The following CC2D1A variants were observed in gnomAD, a reference collection of about 807,000 sequenced individuals.
The protein encoded by CC2D1A is coiled-coil and C2 domain containing 1A, also known as coiled-coil and C2 domain-containing protein 1A.
Under a neutral mutation model 123.8 loss-of-function variants are expected in CC2D1A, and 68 were observed. The ratio of observed to expected loss-of-function variants is 0.55; its 90% CI spans 0.45 to 0.67. CC2D1A has a LOEUF of 0.67. Among genes scored for constraint, CC2D1A ranks in the 30% least tolerant of loss-of-function variants. CC2D1A has a pLI of 0.00. For synonymous variants in CC2D1A, 477 were observed against 528.0 expected, an observed-to-expected ratio of 0.90 and a Z score of 1.32; for missense variants, 1,185 against 1,290.3, an observed-to-expected ratio of 0.92 and a Z score of 1.25.
Position 13,930,763 on chromosome 19 carries a change from C to T in CC2D1A, c.*368C>T, listed in dbSNP as rs1206314099. ...CAGCCTTAACCCCAAAGCCCTCCTG[C>T]ACCCCAAAGAAGCCACTGAGGCTGG... On this transcript the variant is annotated 3_prime_UTR_variant, in exon 29 of 29. Coordinates refer to ENST00000318003, the MANE Select transcript of CC2D1A (RefSeq NM_017721.5). This position sits in a 1 kb window ranked among gnomAD's most constrained non-coding sequence, Gnocchi z 6.8. 1.8e-5 allele frequency: 6 copies of T among 332,782 alleles called. No homozygotes were observed. The East Asian group carries it at 2.1e-4, about 12-fold the overall frequency. The allele number at this position is 332,782 out of a possible 1,614,324, so 20.6% of individuals were successfully genotyped here.
At chr19:13,919,448 T>C (rs1428460293) in intron 11 of CC2D1A, among the ~76,000 whole-genome samples, 1 of 152,188 alleles carries the variant, frequency 6.6e-6, no homozygotes, top group African/African-American at 2.4e-5. Context: ...CTGTAGAAAT[T>C]GGCAAACCGG....
rs751914714 is a variant in CC2D1A, at chr19:13,912,334, A to T, written c.208A>T (p.Met70Leu). Residue 70 changes from methionine to leucine, a missense_variant, in exon 3 of 29, where the codon ATG becomes TTG. Coordinates refer to ENST00000318003, the MANE Select transcript of CC2D1A (RefSeq NM_017721.5). ...CCCCCTACCGCCAGGTCCCTTGCCG[A>T]TGGAGGCCATTGAGAAGATGGCCAG... is the stretch of plus-strand genomic sequence containing the variant. ...EKLKGKGPLP[M>L]EAIEKMASLC... is the part of the protein sequence containing the mutation. 4 of 1,606,000 alleles carry T rather than the reference A, an allele frequency of 2.5e-6. No homozygotes were observed. The Admixed American group carries it at 6.8e-5, about 27-fold the overall frequency.
intron 6 of CC2D1A, among the ~76,000 whole-genome samples, chr19:13,914,276 G>T (rs904536033): frequency 6.6e-6 from 1 of 151,054 alleles, no homozygotes; most frequent in African/African-American, 2.4e-5. Context: ...TGGGCTCAAG[G>T]GATCTTCCCT....
In CC2D1A at chr19:13,923,542, C is replaced by T. The variant is rs749723726; in HGVS notation, c.1765-6C>T. On this transcript the variant is annotated splice_polypyrimidine_tract_variant and splice_region_variant and intron_variant, in intron 15 of 28. Transcript: ENST00000318003. The surrounding 1 kb of genome is among the most constrained non-coding windows in gnomAD (Gnocchi z 5.3). ...TCCCTCGACTCACTGCCTTCTGTTT[C>T]CCCAGATGTGCCTGAACCACTCAAA... 6.2e-7 allele frequency: 1 copy of T among 1,613,842 alleles called. No individual in the cohort carries two copies. The highest frequency in any genetic ancestry group is 8.5e-7 in the Non-Finnish European group (1 of 1,179,928).
intron 17 of CC2D1A, among the ~76,000 whole-genome samples, chr19:13,924,270 A>AT (rs1971515578): frequency 6.6e-6 from 1 of 152,040 alleles, no homozygotes; most frequent in Admixed American, 6.6e-5. Context: ...TCCTGGATTC[A>AT]TGCCATTCTC....
In CC2D1A at chr19:13,923,261, T is replaced by G. The variant is rs1379081416; in HGVS notation, c.1642-72T>G. The G allele has an allele frequency of 5.3e-6, 8 of 1,504,374 alleles. No homozygotes were observed. The allele number at this position is 1,504,374 out of a possible 1,614,324, so 93.2% of individuals were successfully genotyped here. ...GGGAATGCCCCTCGTCAAGGAAGAA[T>G]GACATTTCTGCAGAGCCCTAGGTGG... On this transcript the variant is annotated intron_variant, in intron 14 of 28. Transcript: ENST00000318003. This position sits in a 1 kb window ranked among gnomAD's most constrained non-coding sequence, Gnocchi z 5.3.
intron 17 of CC2D1A, among the ~76,000 whole-genome samples, chr19:13,926,000 G>GTATATATATATACGTATATATATGTGTA (rs1971604860): frequency 1.4e-5 from 1 of 71,718 alleles, no homozygotes; most frequent in African/African-American, 1.2e-4. Context: ...ATATATGTGT[G>GTATATATATATACGTATATATATGTGTA]TATATATATA....
chr19:13,919,059 G>A lies in CC2D1A; in HGVS notation c.1149+17G>A, dbSNP rs776994005. The A allele has an allele frequency of 8.7e-6, 14 of 1,601,614 alleles. No homozygotes were observed. Among genetic ancestry groups the A allele is most frequent in the Middle Eastern group, 1.7e-4 (1 of 6,038 alleles). On this transcript the variant is annotated intron_variant, in intron 10 of 28. Coordinates refer to ENST00000318003, the MANE Select transcript of CC2D1A (RefSeq NM_017721.5). ...ATCGTCAAGGTGCCCTGGGGGTTCC[G>A]GGGGAGGTGGGGCGAGTGGGCAGCC... is the stretch of plus-strand genomic sequence containing the variant.
At chr19:13,928,833 T>C (rs1246770348) in intron 24 of CC2D1A, among the ~76,000 whole-genome samples, 4 of 149,918 alleles carry the variant, frequency 2.7e-5, no homozygotes, top group Admixed American at 6.7e-5. Flanking sequence ...CTCAGCCTCC[T>C]GAGTAGCTGG....
chr19:13,923,810 A>G lies in CC2D1A; in HGVS notation c.1939A>G (p.Lys647Glu). Residue 647 changes from lysine (K) to glutamate (E), a missense_variant and splice_region_variant, in exon 17 of 29, where the codon AAG becomes GAG. Physicochemically the swap from Lys to Glu is moderately conservative, Grantham distance 56. Transcript: ENST00000318003. The surrounding 1 kb of genome is among the most constrained non-coding windows in gnomAD (Gnocchi z 5.3). ...TGAGCAAAGGACCTTCAGCGTCATC[A>G]AGTAAGGCTCCTGATCTACGCCCCA... Reference protein sequence around the residue: ...RFEQRTFSVIKIFPDLSSNDM... With the variant: ...RFEQRTFSVIEIFPDLSSNDM... 1 of 1,611,284 alleles carries G rather than the reference A, an allele frequency of 6.2e-7. No individual in the cohort carries two copies.
chr19:13,918,249 TGGCCTGG>T, intron 7 of CC2D1A, 55 bp downstream of exon 7: 1 of 1,469,752 alleles, frequency 6.8e-7, no homozygotes, highest in Admixed American at 2.7e-5. Context: ...GCTTCCCACG[TGGCCTGG>T]TGGCAAAGCA....
rs1568420172 is a variant in CC2D1A at position 13,927,021 on chromosome 19, T to A, written c.2169T>A (p.Arg723=). 6.2e-7 allele frequency: 1 copy of A among 1,614,124 alleles called. No individual in the cohort carries two copies. Reference sequence around the variant, plus strand: ...AACTCTGCATCAACCGCAGCCACCGTGGCTTCCGAAGGGCCATCCAGACCA... The same window carrying A: ...AACTCTGCATCAACCGCAGCCACCGAGGCTTCCGAAGGGCCATCCAGACCA... ...QFKLCINRSH[R]GFRRAIQTKG... is the part of the protein sequence containing the mutation. The change falls in exon 21 of 29, where the codon CGT becomes CGA. Residue 723 remains arginine, a synonymous_variant. Coordinates refer to ENST00000318003, the MANE Select transcript of CC2D1A (RefSeq NM_017721.5).
Position 13,927,028 on chromosome 19 carries a change from C to A in CC2D1A, c.2176C>A (p.Arg726=), listed in dbSNP as rs754855261. 1.2e-6 allele frequency: 2 copies of A among 1,613,956 alleles called. No homozygotes were observed. Among genetic ancestry groups the A allele is most frequent in the African/African-American group, 2.7e-5 (2 of 74,912 alleles). Residue 726 remains arginine (R), a synonymous_variant, in exon 21 of 29, where the codon CGA becomes AGA. Transcript: ENST00000318003. ...LCINRSHRGF[R]RAIQTKGIKF... is the part of the protein sequence containing the mutation. ...CATCAACCGCAGCCACCGTGGCTTC[C>A]GAAGGGCCATCCAGACCAAGGGCAT... is the stretch of plus-strand genomic sequence containing the variant.
rs1314230496 is a variant in CC2D1A, at chr19:13,923,188, A to C, written c.1642-145A>C. On this transcript the variant is annotated intron_variant, in intron 14 of 28. Transcript: ENST00000318003. The surrounding 1 kb of genome is among the most constrained non-coding windows in gnomAD (Gnocchi z 5.3). The stretch of plus-strand genomic sequence containing the variant: ...AGCCTGGGCAACAGAGCGAGACTCC[A>C]TCTCAAAAAAAAAAAAAGACCAGAG... 4.9e-6 allele frequency: 5 copies of C among 1,011,052 alleles called. No homozygotes were observed. The highest frequency in any genetic ancestry group is 7.2e-6 in the Non-Finnish European group (5 of 696,024). The allele number at this position is 1,011,052 out of a possible 1,614,324, so 62.6% of individuals were successfully genotyped here.
Position 13,925,376 on chromosome 19 carries a change from C to G in CC2D1A, c.1941-1141C>G, listed in dbSNP as rs900232100. 3.3e-5 allele frequency among the ~76,000 whole-genome samples: 5 copies of G among 151,860 alleles called. No homozygotes were observed. The South Asian group carries it at 1.0e-3, about 32-fold the overall frequency. Reference sequence around the variant, plus strand: ...TGGGTGGATCACGAGGTCAGGAGATCGAGACCATTCTGGCTAACATGGTGA... The same window carrying G: ...TGGGTGGATCACGAGGTCAGGAGATGGAGACCATTCTGGCTAACATGGTGA... On this transcript the variant is annotated intron_variant, in intron 17 of 28. Coordinates refer to ENST00000318003, the MANE Select transcript of CC2D1A (RefSeq NM_017721.5).
intron 2 of CC2D1A, among the ~76,000 whole-genome samples, chr19:13,911,248 T>G (rs1185105020): frequency 2.6e-5 from 4 of 152,152 alleles, no homozygotes; most frequent in African/African-American, 4.8e-5. Context: ...TGACTGGAGA[T>G]TCACAGGAAC....
chr19:13,914,209 C>T (rs1458087167), intron 6 of CC2D1A, among the ~76,000 whole-genome samples: 1 of 151,594 alleles, frequency 6.6e-6, no homozygotes, highest in East Asian at 2.0e-4. Context: ...GGTCTTACTC[C>T]ATCACCCAGG....
intron 6 of CC2D1A, 83 bp from the exon 7 acceptor site, chr19:13,917,987 T>A (rs921278723): frequency 2.5e-5 from 35 of 1,426,606 alleles, no homozygotes; most frequent in East Asian, 5.1e-5. Context: ...AAAAAAAAAA[T>A]TAAATAAATA....
At position 13,930,285 on chromosome 19, in the gene CC2D1A, G is replaced by A. The variant is rs755887406; in HGVS notation, c.2831G>A (p.Ser944Asn). 9.9e-6 allele frequency: 16 copies of A among 1,613,950 alleles called. No individual in the cohort carries two copies. In the East Asian group the frequency reaches 3.6e-4, roughly 36 times the overall value. The change falls in exon 28 of 29, where the codon AGT becomes AAT. Residue 944 changes from serine to asparagine, a missense_variant. Ser to Asn is a conservative substitution (Grantham distance 46). Coordinates refer to ENST00000318003, the MANE Select transcript of CC2D1A (RefSeq NM_017721.5). This position sits in a 1 kb window ranked among gnomAD's most constrained non-coding sequence, Gnocchi z 6.8. ...CTCTATAGGCGGAATCTGGTAGAGAGTGAGGTAAGCAGCTTAGGAGATGGG... is the reference window on the plus strand; with the variant it reads ...CTCTATAGGCGGAATCTGGTAGAGAATGAGGTAAGCAGCTTAGGAGATGGG... ...EALYRRNLVE[S>N]ELQRLRR
Sources: allele counts gnomAD v4.1 joint callset (sites outside exome capture counted in the v4.1 genomes callset), GRCh38; gene constraint gnomAD v4.1.1; non-coding constraint Gnocchi (gnomAD v3.1); transcripts MANE v1.5; gene names NCBI Gene and HGNC (gene_info 2026-07-23, HGNC 2026-07-21).